OSBPL6: variants seen among roughly 807,000 people sequenced by gnomAD.
The protein encoded by OSBPL6 is oxysterol-binding protein-related protein 6.
OSBPL6 carries 49 observed loss-of-function variants against 125.8 expected under a neutral mutation model. The observed-to-expected ratio is 0.39, with a 90% CI of 0.31 to 0.49. The LOEUF is 0.49. OSBPL6 is among the 20% of genes least tolerant of loss of function. The pLI is 0.88. For synonymous variants in OSBPL6, 394 were observed against 391.8 expected (o/e 1.01, Z -0.07); for missense variants, 986 against 1,135.4 (o/e 0.87, Z 1.89).
At chr2:178,217,142 A>G (rs557438687) in intron 1 of OSBPL6, among the ~76,000 whole-genome samples, 44 of 152,348 alleles carry the variant, frequency 2.9e-4, no homozygotes, top group Non-Finnish European at 5.0e-4. Context: ...GTGAAGGGGC[A>G]TCATATCCAC....
intron 12 of OSBPL6, among the ~76,000 whole-genome samples, chr2:178,358,352 T>C (rs1692012237): frequency 6.6e-6 from 1 of 152,170 alleles, no homozygotes; most frequent in South Asian, 2.1e-4. Flanking sequence ...AAAATTATAT[T>C]ACAAAGCTAT....
chr2:178,221,102 C>G (rs1449752506), intron 1 of OSBPL6, among the ~76,000 whole-genome samples: 1 of 152,162 alleles, frequency 6.6e-6, no homozygotes, highest in Non-Finnish European at 1.5e-5. Flanking sequence ...CTTTGTTTCC[C>G]CCTCCATTCT....
rs911903278 is a variant in OSBPL6 at position 178,213,475 on chromosome 2, C to T, written c.-351+18801C>T. Among the ~76,000 whole-genome samples, 5 of 151,964 alleles carry T rather than the reference C, an allele frequency of 3.3e-5. No individual in the cohort carries two copies. The East Asian group carries it at 5.8e-4, about 18-fold the overall frequency. On this transcript the variant is annotated intron_variant, in intron 1 of 24. Transcript: ENST00000190611. The stretch of plus-strand genomic sequence containing the variant: ...AAACTCCATGTCTTGTTGATTCTAC[C>T]GCTAACCATGTGTCTCCATCCTCAT...
At chr2:178,365,335 C>T (rs1280439798) in intron 13 of OSBPL6, among the ~76,000 whole-genome samples, 1 of 152,004 alleles carries the variant, frequency 6.6e-6, no homozygotes, top group East Asian at 1.9e-4. Flanking sequence ...ATCGTCTTTT[C>T]GAAGGCACAT....
chr2:178,213,524 C>T (rs1404563721), intron 1 of OSBPL6, among the ~76,000 whole-genome samples: 3 of 152,078 alleles, frequency 2.0e-5, no homozygotes, highest in Non-Finnish European at 4.4e-5. Flanking sequence ...TTCATGCCTC[C>T]ATCGTCTCCT....
chr2:178,366,365 T>C (rs1212070486), intron 13 of OSBPL6, among the ~76,000 whole-genome samples: 1 of 152,206 alleles, frequency 6.6e-6, no homozygotes, highest in Non-Finnish European at 1.5e-5. Flanking sequence ...GCCCCAGAAA[T>C]TGTGCACAGC....
intron 3 of OSBPL6, among the ~76,000 whole-genome samples, chr2:178,315,913 T>C (rs1217512189): frequency 6.6e-6 from 1 of 152,214 alleles, no homozygotes; most frequent in African/African-American, 2.4e-5. Flanking sequence ...ATTAGAACTA[T>C]AAAAACGTCA....
chr2:178,237,808 A>T (rs115604975), intron 1 of OSBPL6, among the ~76,000 whole-genome samples: 86 of 152,292 alleles, frequency 5.6e-4, no homozygotes, highest in African/African-American at 2.0e-3. Context: ...TGTGAGGACC[A>T]CTGGTTTAGA....
At chr2:178,340,256 G>A (rs1030731) in intron 11 of OSBPL6, among the ~76,000 whole-genome samples, 20 of 151,912 alleles carry the variant, frequency 1.3e-4, no homozygotes, top group South Asian at 2.1e-4. Context: ...GTATAATTTC[G>A]TACATTTCTG....
intron 8 of OSBPL6, among the ~76,000 whole-genome samples, chr2:178,333,413 AAG>A (rs1181448695): frequency 4.6e-5 from 7 of 152,156 alleles, no homozygotes; most frequent in African/African-American, 1.2e-4. Context: ...TAAAATAAAA[AAG>A]AAAATTATGC....
At chr2:178,354,557 A>C (rs1367677462) in intron 12 of OSBPL6, among the ~76,000 whole-genome samples, 1 of 152,172 alleles carries the variant, frequency 6.6e-6, no homozygotes, top group Non-Finnish European at 1.5e-5. Context: ...ATATATATAC[A>C]CCCAATACAG....
intron 14 of OSBPL6, 107 bp downstream of exon 14, chr2:178,372,340 C>T: frequency 1.4e-6 from 1 of 709,448 alleles, no homozygotes. Flanking sequence ...ATAAGGTTCC[C>T]TCCATAAATA....
chr2:178,370,757 G>A (rs778716095), intron 13 of OSBPL6, among the ~76,000 whole-genome samples: 1 of 152,142 alleles, frequency 6.6e-6, no homozygotes, highest in Non-Finnish European at 1.5e-5. Flanking sequence ...CAATGTGACA[G>A]CCCTCCAGAT....
In OSBPL6 at chr2:178,220,852, C is replaced by T. The variant is rs776334659; in HGVS notation, c.-351+26178C>T. On this transcript the variant is annotated intron_variant, in intron 1 of 24. Transcript: ENST00000190611. ...ATCTCCTAAAGGGGGATATTCTCGT[C>T]GATCTTGGATGTTTAGGATGTTGCT... is the stretch of plus-strand genomic sequence containing the variant. Among the ~76,000 whole-genome samples the T allele has an allele frequency of 3.3e-5, 5 of 152,148 alleles. No individual in the cohort carries two copies. In the South Asian group the frequency reaches 6.2e-4, roughly 19 times the overall value.
chr2:178,343,852 A>C (rs1690453361), intron 11 of OSBPL6, among the ~76,000 whole-genome samples: 1 of 152,118 alleles, frequency 6.6e-6, no homozygotes, highest in Non-Finnish European at 1.5e-5. Flanking sequence ...TCTGGCCATT[A>C]TGAGGCTCTC....
chr2:178,394,071 A>G (rs535695486), intron 23 of OSBPL6, among the ~76,000 whole-genome samples: 2 of 152,316 alleles, frequency 1.3e-5, no homozygotes, highest in East Asian at 3.9e-4. Context: ...CCTTTCACTG[A>G]TATTGCTGAT....
At chr2:178,274,930 T>C (rs2092440352) in intron 1 of OSBPL6, among the ~76,000 whole-genome samples, 1 of 152,094 alleles carries the variant, frequency 6.6e-6, no homozygotes, top group South Asian at 2.1e-4. Flanking sequence ...CACAGAAATT[T>C]TTGTATCCAA....
At chr2:178,208,719 T>G (rs546814530) in intron 1 of OSBPL6, among the ~76,000 whole-genome samples, 2 of 144,818 alleles carry the variant, frequency 1.4e-5, no homozygotes, top group Admixed American at 1.4e-4. Context: ...CCCATCCTTT[T>G]CCTTTCCTTT....
At position 178,395,623 on chromosome 2, in the gene OSBPL6, T is replaced by A. The variant is rs571414563; in HGVS notation, c.*64T>A. The stretch of plus-strand genomic sequence containing the variant: ...ATGAATAAATAACTATGCACAATTA[T>A]GTTTCTTATAGCTATGTGTGGTTTC... On this transcript the variant is annotated 3_prime_UTR_variant, in exon 25 of 25. Transcript: ENST00000190611. 8.0e-7 allele frequency: 1 copy of A among 1,257,540 alleles called. No individual in the cohort carries two copies. Among genetic ancestry groups the A allele is most frequent in the Admixed American group, 1.9e-5 (1 of 53,130 alleles). The allele number at this position is 1,257,540 out of a possible 1,614,324, so 77.9% of individuals were successfully genotyped here.
Sources: allele counts gnomAD v4.1 joint callset (sites outside exome capture counted in the v4.1 genomes callset), GRCh38; gene constraint gnomAD v4.1.1; transcripts MANE v1.5; gene names NCBI Gene and HGNC (gene_info 2026-07-23, HGNC 2026-07-21).